The following STX1A variants were observed in gnomAD, a reference collection of about 807,000 sequenced individuals.
STX1A encodes the protein syntaxin-1A.
STX1A carries 4 observed loss-of-function variants against 37.8 expected under a neutral mutation model. The observed-to-expected ratio is 0.11, with a 90% CI of 0.05 to 0.24. The LOEUF (loss-of-function observed/expected upper bound fraction) is 0.24. Among genes scored for constraint, STX1A ranks in the 10% least tolerant of loss-of-function variants. The probability of loss-of-function intolerance (pLI) is 1.00; values close to 1 mark genes in which losing one functional copy is unlikely to be tolerated. For missense variants in STX1A, 251 were observed against 399.9 expected (o/e 0.63, Z 3.18); for synonymous variants, 135 against 147.4 (o/e 0.92, Z 0.61).
At position 73,717,283 on chromosome 7, in the gene STX1A, C is replaced by T. The variant is rs987169294; in HGVS notation, c.30+2319G>A. Among the ~76,000 whole-genome samples, 6 of 152,092 alleles carry T rather than the reference C, an allele frequency of 3.9e-5. No individual in the cohort carries two copies. Among genetic ancestry groups the T allele is most frequent in the Non-Finnish European group, 7.4e-5 (5 of 67,982 alleles). On this transcript the variant is annotated intron_variant, in intron 1 of 9. Coordinates refer to ENST00000222812, the MANE Select transcript of STX1A (RefSeq NM_004603.4). The surrounding 1 kb of genome is among the most constrained non-coding windows in gnomAD (Gnocchi z 4.1). The stretch of plus-strand genomic sequence containing the variant: ...TCCCCAGCACCATCTCTGTTCAGCC[C>T]AGCCCAGCCCAGCCCGCCCCAGTCC...
intron 7 of STX1A, 52 bp from the exon 8 acceptor site, chr7:73,703,034 C>A: frequency 7.6e-7 from 1 of 1,310,980 alleles, no homozygotes; most frequent in African/African-American, 1.7e-5. Context: ...AGGGGCAGGG[C>A]AGAGGGCCGA....
intron 1 of STX1A, 131 bp downstream of exon 1, chr7:73,719,471 C>T: frequency 3.1e-6 from 3 of 954,636 alleles, no homozygotes; most frequent in Non-Finnish European, 4.0e-6. Context: ...CTGGCTCGCC[C>T]CGCTCCCTTC....
intron 8 of STX1A, among the ~76,000 whole-genome samples, chr7:73,701,830 C>CTA (rs1798669744): frequency 6.6e-6 from 1 of 152,242 alleles, no homozygotes; most frequent in African/African-American, 2.4e-5. Context: ...TGGCTCACAT[C>CTA]TATGATCCCA....
In STX1A at chr7:73,700,375, C is replaced by A; in HGVS notation, c.*32G>T. 6.2e-7 allele frequency: 1 copy of A among 1,612,166 alleles called. No individual in the cohort carries two copies. Among genetic ancestry groups the A allele is most frequent in the South Asian group, 1.1e-5 (1 of 91,014 alleles). On this transcript the variant is annotated 3_prime_UTR_variant, in exon 10 of 10. Coordinates refer to ENST00000222812, the MANE Select transcript of STX1A (RefSeq NM_004603.4). The surrounding 1 kb of genome is among the most constrained non-coding windows in gnomAD (Gnocchi z 4.4). ...CAGCCAGGGCCTCCTTGGAGTGGCC[C>A]ACCTGGAGTGGAGTGGCAGTTTGGG...
chr7:73,701,511 A>C (rs1584238821), intron 8 of STX1A, among the ~76,000 whole-genome samples: 1 of 148,572 alleles, frequency 6.7e-6, no homozygotes, highest in African/African-American at 2.5e-5. Context: ...ACAGAGTGAG[A>C]CTCCGTCTCA....
At chr7:73,715,283 A>G (rs6460051) in intron 1 of STX1A, among the ~76,000 whole-genome samples, 149,881 of 152,064 alleles carry the variant, frequency 0.99, 73,897 homozygotes, top group Middle Eastern at 1. Flanking sequence ...TTAGCCGGGC[A>G]TGGTGATGCA....
intron 1 of STX1A, among the ~76,000 whole-genome samples, chr7:73,711,629 C>T (rs894238074): frequency 1.3e-5 from 2 of 152,114 alleles, no homozygotes; most frequent in Admixed American, 1.3e-4. Flanking sequence ...AGGCAGAGCA[C>T]TGCCAGGAGG....
rs1584245983 is a variant in STX1A at position 73,705,687 on chromosome 7, A to T, written c.209-463T>A. 5.4e-6 allele frequency: 1 copy of T among 185,866 alleles called. No homozygotes were observed. The highest frequency in any genetic ancestry group is 1.6e-4 in the East Asian group (1 of 6,216). The allele number at this position is 185,866 out of a possible 1,614,324, so 11.5% of individuals were successfully genotyped here. A position where few individuals can be genotyped will look rare whatever the true frequency, so the allele number is the denominator to read the frequency against. ...ACAGGGGACCACCCCACACTCCCTGAGTCATATGCGCAAACACTCTGGGTG... is the reference window on the plus strand; with the variant it reads ...ACAGGGGACCACCCCACACTCCCTGTGTCATATGCGCAAACACTCTGGGTG... On this transcript the variant is annotated intron_variant, in intron 3 of 9. Coordinates refer to ENST00000222812, the MANE Select transcript of STX1A (RefSeq NM_004603.4). This position sits in a 1 kb window ranked among gnomAD's most constrained non-coding sequence, Gnocchi z 5.2.
At position 73,705,179 on chromosome 7, in the gene STX1A, G is replaced by A; in HGVS notation, c.254C>T (p.Thr85Ile). 1 of 1,614,128 alleles carries A rather than the reference G, an allele frequency of 6.2e-7. No homozygotes were observed. Among genetic ancestry groups the A allele is most frequent in the Non-Finnish European group, 8.5e-7 (1 of 1,180,002 alleles). ...LEELMSDIKK[T>I]ANKVRSKLKS... Reference sequence around the variant, plus strand: ...TAACTTGGAACGAACTTTGTTTGCTGTCTTCTTTATGTCGGACATGAGTTC... The same window carrying A: ...TAACTTGGAACGAACTTTGTTTGCTATCTTCTTTATGTCGGACATGAGTTC... The change falls in exon 4 of 10, where the codon ACA becomes ATA. Residue 85 changes from threonine to isoleucine, a missense_variant. Around this residue, in one of 2 missense-constraint regions of STX1A, gnomAD observed 214 missense variants for 367.6 expected, o/e 0.58. Transcript: ENST00000222812. The surrounding 1 kb of genome is among the most constrained non-coding windows in gnomAD (Gnocchi z 5.2).
rs141985965 is a variant in STX1A, at chr7:73,700,790, A to G, written c.729T>C (p.Tyr243=). 189 of 1,613,712 alleles carry G rather than the reference A, an allele frequency of 1.2e-4. No homozygotes were observed. Among genetic ancestry groups the G allele is most frequent in the South Asian group, 6.6e-4 (60 of 91,064 alleles). ...IEYNVEHAVD[Y]VERAVSDTKK... ...TGGTGTCAGACACGGCCCTCTCCAC[A>G]TAGTCTACCGCGTGTTCCACATTGT... The change falls in exon 9 of 10, where the codon TAT becomes TAC. Residue 243 remains tyrosine, a synonymous_variant. Coordinates refer to ENST00000222812, the MANE Select transcript of STX1A (RefSeq NM_004603.4). The surrounding 1 kb of genome is among the most constrained non-coding windows in gnomAD (Gnocchi z 4.4).
In STX1A at chr7:73,700,098, A is replaced by C; in HGVS notation, c.*309T>G. The C allele has an allele frequency of 2.2e-6, 1 of 452,278 alleles. No individual in the cohort carries two copies. The highest frequency in any genetic ancestry group is 4.0e-6 in the Non-Finnish European group (1 of 247,524). 28.0% of individuals were successfully genotyped at this position (452,278 alleles called of 1,614,324 possible). ...AGAACCTGGGCCCACCGAGTTACTG[A>C]AGGCAAGGAAGGGTGGCCTGTGTCA... is the stretch of plus-strand genomic sequence containing the variant. On this transcript the variant is annotated 3_prime_UTR_variant, in exon 10 of 10. Coordinates refer to ENST00000222812, the MANE Select transcript of STX1A (RefSeq NM_004603.4). This position sits in a 1 kb window ranked among gnomAD's most constrained non-coding sequence, Gnocchi z 4.4.
intron 7 of STX1A, 46 bp from the exon 8 acceptor site, chr7:73,703,028 G>T (rs376684308): frequency 3.4e-5 from 50 of 1,462,484 alleles, no homozygotes; most frequent in Non-Finnish European, 4.1e-5. Context: ...TTGCTGAGGG[G>T]CAGGGCAGAG....
chr7:73,704,076 G>C, intron 6 of STX1A, 72 bp downstream of exon 6: 1 of 1,467,470 alleles, frequency 6.8e-7, no homozygotes, highest in Non-Finnish European at 9.2e-7. Flanking sequence ...CTTGAGCCAC[G>C]CACTCAGCAG....
chr7:73,712,126 G>A (rs1006297541), intron 1 of STX1A, among the ~76,000 whole-genome samples: 1 of 152,044 alleles, frequency 6.6e-6, no homozygotes, highest in Admixed American at 6.6e-5. Flanking sequence ...CATTGAGATT[G>A]GCCCCAAAGC....
At chr7:73,708,982 A>G in intron 2 of STX1A, 63 bp downstream of exon 2, 2 of 1,575,858 alleles carry the variant, frequency 1.3e-6, no homozygotes, top group South Asian at 2.2e-5. Flanking sequence ...CCTGGCTCAG[A>G]GGCGAGAGTG....
chr7:73,719,465 C>T, intron 1 of STX1A, 137 bp downstream of exon 1: 1 of 906,882 alleles, frequency 1.1e-6, no homozygotes, highest in South Asian at 5.4e-5. Context: ...AGGTCCCTGG[C>T]TCGCCCCGCT....
chr7:73,718,051 T>C lies in STX1A; in HGVS notation c.30+1551A>G, dbSNP rs900281261. 2.0e-5 allele frequency among the ~76,000 whole-genome samples: 3 copies of C among 152,010 alleles called. 1 individual carries two copies. Among genetic ancestry groups the C allele is most frequent in the East Asian group, 1.9e-4 (1 of 5,184 alleles). ...CTTGGTTCCCACACACACCCTCAGG[T>C]AACCTACCAGGCGCCTAAACATCAG... On this transcript the variant is annotated intron_variant, in intron 1 of 9. Coordinates refer to ENST00000222812, the MANE Select transcript of STX1A (RefSeq NM_004603.4).
intron 3 of STX1A, 113 bp downstream of exon 3, chr7:73,708,476 C>T (rs1798967023): frequency 1.9e-6 from 2 of 1,049,880 alleles, no homozygotes; most frequent in South Asian, 1.4e-5. Context: ...CGCCCAGACA[C>T]TCCTAAGCCC....
chr7:73,712,141 C>CG (rs1252801477), intron 1 of STX1A, among the ~76,000 whole-genome samples: 9 of 152,052 alleles, frequency 5.9e-5, no homozygotes, highest in Admixed American at 2.0e-4. Context: ...CAAAGCCAGT[C>CG]GGGGGGCTGA....
Sources: allele counts gnomAD v4.1 joint callset (sites outside exome capture counted in the v4.1 genomes callset), GRCh38; gene constraint gnomAD v4.1.1; regional missense constraint gnomAD v4.1.1; non-coding constraint Gnocchi (gnomAD v3.1); transcripts MANE v1.5; gene names NCBI Gene and HGNC (gene_info 2026-07-23, HGNC 2026-07-21).